The following ERC2 variants were observed in gnomAD, a reference collection of about 807,000 sequenced individuals.
ERC2 encodes the protein ELKS/RAB6-interacting/CAST family member 2, also known as ERC protein 2.
Under a neutral mutation model 114.8 loss-of-function variants are expected in ERC2, and 42 were observed. That is an observed-to-expected ratio of 0.37 (90% CI 0.29 to 0.47). The LOEUF (loss-of-function observed/expected upper bound fraction) is 0.47. Among genes scored for constraint, ERC2 ranks in the 20% least tolerant of loss-of-function variants. The pLI, the probability that ERC2 is intolerant of heterozygous loss-of-function variation, is 0.99. For missense variants in ERC2, 939 were observed against 1,150.7 expected, an observed-to-expected ratio of 0.82 and a Z score of 2.66; for synonymous variants, 454 against 425.5, an observed-to-expected ratio of 1.07 and a Z score of -0.82.
intron 14 of ERC2, among the ~76,000 whole-genome samples, chr3:55,881,815 T>C (rs1256724353): frequency 6.6e-6 from 1 of 152,210 alleles, no homozygotes; most frequent in Non-Finnish European, 1.5e-5. Flanking sequence ...GTAACAAAAT[T>C]GAACAATTAT....
intron 14 of ERC2, among the ~76,000 whole-genome samples, chr3:55,878,559 C>T (rs942916696): frequency 2.6e-5 from 4 of 152,210 alleles, no homozygotes; most frequent in African/African-American, 4.8e-5. Flanking sequence ...GAAGACTGCA[C>T]TCAATGGCTA....
At chr3:56,165,606 A>C (rs1374714409) in intron 4 of ERC2, among the ~76,000 whole-genome samples, 7 of 151,922 alleles carry the variant, frequency 4.6e-5, no homozygotes, top group African/African-American at 1.7e-4. Flanking sequence ...GTTATTCTAC[A>C]TTTAGTTATG....
chr3:55,543,765 G>C (rs1349802537), intron 17 of ERC2, among the ~76,000 whole-genome samples: 1 of 152,180 alleles, frequency 6.6e-6, no homozygotes, highest in Admixed American at 6.5e-5. Context: ...CGCTGTCTCT[G>C]TGTGCCATTT....
intron 3 of ERC2, among the ~76,000 whole-genome samples, chr3:56,251,309 A>G (rs1034981949): frequency 6.6e-6 from 1 of 152,246 alleles, no homozygotes; most frequent in African/African-American, 2.4e-5. Flanking sequence ...CAGTGAGTTT[A>G]AAAGAAAAAA....
intron 2 of ERC2, among the ~76,000 whole-genome samples, chr3:56,356,293 C>T (rs989998126): frequency 2.0e-5 from 3 of 152,182 alleles, no homozygotes; most frequent in Non-Finnish European, 4.4e-5. Context: ...TTCTCCCAAG[C>T]TCTCTGGGCC....
intron 3 of ERC2, among the ~76,000 whole-genome samples, chr3:56,244,880 G>T (rs1252445706): frequency 2.6e-5 from 4 of 152,068 alleles, no homozygotes; most frequent in African/African-American, 9.7e-5. Context: ...TGGCCTACAT[G>T]GTTCTCCTAC....
intron 14 of ERC2, among the ~76,000 whole-genome samples, chr3:55,784,709 A>C (rs2069342923): frequency 6.6e-6 from 1 of 152,226 alleles, no homozygotes; most frequent in African/African-American, 2.4e-5. Flanking sequence ...ACAAATCACT[A>C]TAATGTAGCT....
At chr3:56,044,978 T>C (rs1560080434) in intron 7 of ERC2, among the ~76,000 whole-genome samples, 1 of 152,156 alleles carries the variant, frequency 6.6e-6, no homozygotes, top group Non-Finnish European at 1.5e-5. Flanking sequence ...AAATGTTCCA[T>C]TTCAAAAACA....
In ERC2 at chr3:55,524,500, GT is replaced by G. The variant is rs34258011; in HGVS notation, c.*40-13225del. On this transcript the variant is annotated intron_variant, in intron 17 of 17. Transcript: ENST00000288221. ...CACCCTGTTTTACAAAGCTCCAGTGGTTTTTTTTTTTTTTTTTTTTCATGGC... is the reference window on the plus strand; with the variant it reads ...CACCCTGTTTTACAAAGCTCCAGTGGTTTTTTTTTTTTTTTTTTTCATGGC... 4.9e-3 allele frequency among the ~76,000 whole-genome samples: 588 copies of G among 120,814 alleles called. 3 individuals carry two copies. The highest frequency in any genetic ancestry group is 0.032 in the Middle Eastern group (7 of 216). The allele number at this position is 120,814 out of a possible 152,430, so 79.3% of individuals were successfully genotyped here.
chr3:56,386,083 G>A (rs1007357784), intron 2 of ERC2, among the ~76,000 whole-genome samples: 2 of 152,034 alleles, frequency 1.3e-5, no homozygotes, highest in African/African-American at 4.8e-5. Flanking sequence ...TAAAACAGAT[G>A]ACCCCAAATT....
chr3:55,930,042 C>T (rs1053331699), intron 13 of ERC2, among the ~76,000 whole-genome samples: 3 of 152,126 alleles, frequency 2.0e-5, no homozygotes, highest in Non-Finnish European at 4.4e-5. Flanking sequence ...AATTCGAGAC[C>T]AGCCTGGCCA....
In ERC2 at chr3:56,333,063, C is replaced by T. The variant is rs541569506; in HGVS notation, c.658-36628G>A. On this transcript the variant is annotated intron_variant, in intron 2 of 17. Coordinates refer to ENST00000288221, the MANE Select transcript of ERC2 (RefSeq NM_015576.3). ...CCAGAGCTTTTTCCAATATGCAACA[C>T]GTGGTTACACTGGGATGTCACGTAG... Among the ~76,000 whole-genome samples, 25 of 152,314 alleles carry T rather than the reference C, an allele frequency of 1.6e-4. No homozygotes were observed. In the South Asian group the frequency reaches 1.9e-3, roughly 11 times the overall value.
intron 16 of ERC2, among the ~76,000 whole-genome samples, chr3:55,685,889 T>C (rs1249051791): frequency 6.6e-6 from 1 of 152,238 alleles, no homozygotes; most frequent in African/African-American, 2.4e-5. Context: ...AAACCCAACA[T>C]ATATACATTC....
chr3:55,993,241 A>G (rs1470774510), intron 10 of ERC2, among the ~76,000 whole-genome samples: 1 of 152,234 alleles, frequency 6.6e-6, no homozygotes, highest in Non-Finnish European at 1.5e-5. Context: ...GAAAGTTCAG[A>G]TAAGTCATAT....
intron 17 of ERC2, among the ~76,000 whole-genome samples, chr3:55,548,555 A>C (rs2054920004): frequency 6.6e-6 from 1 of 152,138 alleles, no homozygotes; most frequent in African/African-American, 2.4e-5. Flanking sequence ...GGCAGGGAAA[A>C]ACCCCAGCCA....
chr3:56,153,356 C>CA (rs2081530606), intron 4 of ERC2, among the ~76,000 whole-genome samples: 2 of 152,252 alleles, frequency 1.3e-5, no homozygotes, highest in Admixed American at 1.3e-4. Context: ...TTTCCACTTG[C>CA]AAAATCTCAG....
intron 10 of ERC2, among the ~76,000 whole-genome samples, chr3:56,002,823 T>C (rs2072176860): frequency 1.3e-5 from 2 of 152,172 alleles, no homozygotes; most frequent in African/African-American, 4.8e-5. Flanking sequence ...TAAGCCTAGA[T>C]CTTCAGCTGA....
Position 55,736,228 on chromosome 3 carries a change from T to G in ERC2, c.2565-1310A>C, listed in dbSNP as rs1157904153. On this transcript the variant is annotated intron_variant, in intron 14 of 17. Coordinates refer to ENST00000288221, the MANE Select transcript of ERC2 (RefSeq NM_015576.3). ...TCTTTAGACTTGAAATCCAGACCTTTTATTGATGCTTGCAACACATTACGC... is the reference window on the plus strand; with the variant it reads ...TCTTTAGACTTGAAATCCAGACCTTGTATTGATGCTTGCAACACATTACGC... 2.0e-5 allele frequency among the ~76,000 whole-genome samples: 3 copies of G among 152,204 alleles called. No individual in the cohort carries two copies. The South Asian group carries it at 6.2e-4, about 32-fold the overall frequency.
chr3:55,608,388 T>G (rs1276859044), intron 17 of ERC2, among the ~76,000 whole-genome samples: 1 of 152,236 alleles, frequency 6.6e-6, no homozygotes, highest in Admixed American at 6.5e-5. Context: ...CCCGTGCATG[T>G]GCAAACACCA....
Sources: allele counts gnomAD v4.1 joint callset (sites outside exome capture counted in the v4.1 genomes callset), GRCh38; gene constraint gnomAD v4.1.1; transcripts MANE v1.5; gene names NCBI Gene and HGNC (gene_info 2026-07-23, HGNC 2026-07-21).